The following KIFAP3 variants were observed in gnomAD, a reference collection of about 807,000 sequenced individuals.
The protein encoded by KIFAP3 is kinesin associated protein 3, also known as kinesin-associated protein 3.
KIFAP3 carries 68 observed loss-of-function variants against 106.5 expected under a neutral mutation model. The observed-to-expected ratio is 0.64, with a 90% CI of 0.53 to 0.78. KIFAP3 has a LOEUF of 0.78. Among genes scored for constraint, KIFAP3 ranks in the 30% least tolerant of loss-of-function variants. The pLI is 0.00. For synonymous variants in KIFAP3, 320 were observed against 311.5 expected, an observed-to-expected ratio of 1.03 and a Z score of -0.29; for missense variants, 780 against 941.8, an observed-to-expected ratio of 0.83 and a Z score of 2.25.
chr1:170,043,574 T>C (rs933886577), intron 3 of KIFAP3, among the ~76,000 whole-genome samples: 1 of 152,148 alleles, frequency 6.6e-6, no homozygotes, highest in African/African-American at 2.4e-5. Flanking sequence ...CTTCTCCTCA[T>C]GGTTCTTACA....
At chr1:170,032,013 C>T (rs879601725) in intron 7 of KIFAP3, 29 bp from the exon 8 acceptor site, 2 of 879,162 alleles carry the variant, frequency 2.3e-6, no homozygotes, top group Non-Finnish European at 3.3e-6. Flanking sequence ...ATCATCCATA[C>T]TCATTGAAGC....
In KIFAP3 at chr1:170,050,459, C is replaced by T. The variant is rs1228322943; in HGVS notation, c.165-3593G>A. ...GGAGAGCCTCCCCAGCCTAGCAAGACAGGCCAACATTCAAATTCAGGAAAT... is the reference window on the plus strand; with the variant it reads ...GGAGAGCCTCCCCAGCCTAGCAAGATAGGCCAACATTCAAATTCAGGAAAT... On this transcript the variant is annotated intron_variant, in intron 2 of 19. Coordinates refer to ENST00000361580, the MANE Select transcript of KIFAP3 (RefSeq NM_014970.4). Among the ~76,000 whole-genome samples the T allele has an allele frequency of 2.0e-5, 3 of 152,158 alleles. No homozygotes were observed. The East Asian group carries it at 5.8e-4, about 29-fold the overall frequency.
Position 169,982,873 on chromosome 1 carries a change from T to C in KIFAP3, c.1507-6A>G, listed in dbSNP as rs1666604191. The C allele has an allele frequency of 1.5e-6, 2 of 1,351,106 alleles. No individual in the cohort carries two copies. Among genetic ancestry groups the C allele is most frequent in the Non-Finnish European group, 1.9e-6 (2 of 1,025,810 alleles). 83.7% of individuals were successfully genotyped at this position (1,351,106 alleles called of 1,614,324 possible). On this transcript the variant is annotated splice_polypyrimidine_tract_variant and splice_region_variant and intron_variant, in intron 13 of 19. Coordinates refer to ENST00000361580, the MANE Select transcript of KIFAP3 (RefSeq NM_014970.4). ...GCAAGGTCCCCAACATAATCCTGAA[T>C]AAAACATAATTTTAATATAAATTTA...
At chr1:170,041,713 C>T in intron 3 of KIFAP3, 1 of 1,535,216 alleles carries the variant, frequency 6.5e-7, no homozygotes, top group Non-Finnish European at 8.7e-7. Flanking sequence ...GAAACAGTTT[C>T]TGAATCTGAA....
intron 9 of KIFAP3, among the ~76,000 whole-genome samples, chr1:170,023,055 T>C (rs899940747): frequency 6.6e-6 from 1 of 152,084 alleles, no homozygotes; most frequent in Admixed American, 6.5e-5. Context: ...ATACTCTAAC[T>C]ACTCAGGACT....
intron 16 of KIFAP3, 85 bp downstream of exon 16, chr1:169,978,000 A>C: frequency 2.7e-6 from 2 of 731,534 alleles, no homozygotes; most frequent in Non-Finnish European, 4.2e-6. Flanking sequence ...TTATTTCAAC[A>C]TTTGCAAAAA....
intron 1 of KIFAP3, 27 bp downstream of exon 1, chr1:170,074,409 T>A (rs751107660): frequency 1.2e-6 from 2 of 1,613,120 alleles, no homozygotes; most frequent in Non-Finnish European, 1.7e-6. Context: ...GCAAGGAGGG[T>A]AGGACAGAGC....
chr1:170,025,823 A>C (rs183641543), intron 8 of KIFAP3, among the ~76,000 whole-genome samples: 120 of 152,356 alleles, frequency 7.9e-4, no homozygotes, highest in Non-Finnish European at 3.2e-4. Flanking sequence ...TTAGAATTAC[A>C]TTGAAAAAAC....
chr1:169,944,849 T>C (rs1040956641), intron 19 of KIFAP3, among the ~76,000 whole-genome samples: 2 of 152,046 alleles, frequency 1.3e-5, no homozygotes, highest in African/African-American at 4.8e-5. Flanking sequence ...AGGAAGTGCA[T>C]GCTGATTGGT....
At chr1:170,047,597 T>G (rs1319790952) in intron 2 of KIFAP3, among the ~76,000 whole-genome samples, 2 of 128,612 alleles carry the variant, frequency 1.6e-5, no homozygotes, top group Admixed American at 9.5e-5. Flanking sequence ...CTCCAGCCTG[T>G]GTGACAGGGC....
intron 19 of KIFAP3, among the ~76,000 whole-genome samples, chr1:169,944,567 G>A (rs1664323655): frequency 6.6e-6 from 1 of 152,138 alleles, no homozygotes; most frequent in African/African-American, 2.4e-5. Flanking sequence ...TTTGAGTCCT[G>A]CCATTCAGGT....
intron 1 of KIFAP3, among the ~76,000 whole-genome samples, chr1:170,058,334 G>A (rs1478522993): frequency 2.6e-5 from 4 of 152,054 alleles, no homozygotes; most frequent in Admixed American, 1.3e-4. Context: ...GTAGATTTAC[G>A]CCATAGAGCA....
chr1:170,030,935 C>T (rs2102041249), intron 8 of KIFAP3, among the ~76,000 whole-genome samples: 1 of 151,764 alleles, frequency 6.6e-6, no homozygotes, highest in South Asian at 2.1e-4. Context: ...TACTTTAAAA[C>T]TATACAGTTT....
At chr1:169,959,516 A>G (rs1278471664) in intron 18 of KIFAP3, among the ~76,000 whole-genome samples, 2 of 152,188 alleles carry the variant, frequency 1.3e-5, no homozygotes, top group African/African-American at 4.8e-5. Flanking sequence ...AGCATAACCT[A>G]TACATTGTAA....
At chr1:170,072,114 T>C (rs1211844671) in intron 1 of KIFAP3, among the ~76,000 whole-genome samples, 1 of 152,244 alleles carries the variant, frequency 6.6e-6, no homozygotes, top group Non-Finnish European at 1.5e-5. Flanking sequence ...ATTAAATGAA[T>C]GAACAAATGT....
At chr1:170,033,644 C>G (rs531868318) in intron 7 of KIFAP3, among the ~76,000 whole-genome samples, 1 of 151,742 alleles carries the variant, frequency 6.6e-6, no homozygotes, top group African/African-American at 2.4e-5. Context: ...TTCCATATTG[C>G]TTTAGTATAC....
intron 10 of KIFAP3, among the ~76,000 whole-genome samples, chr1:169,998,405 C>T (rs969234845): frequency 3.8e-5 from 5 of 130,540 alleles, no homozygotes; most frequent in Non-Finnish European, 7.6e-5. Context: ...TATATACACA[C>T]ACACACACAC....
chr1:169,953,894 T>C (rs560083362), intron 19 of KIFAP3, 117 bp downstream of exon 19: 22 of 722,784 alleles, frequency 3.0e-5, no homozygotes, highest in South Asian at 2.8e-4. Flanking sequence ...CTTGAAAAGA[T>C]TGAGGGTTTT....
At chr1:169,985,511 C>T (rs1666774970) in intron 11 of KIFAP3, among the ~76,000 whole-genome samples, 1 of 151,686 alleles carries the variant, frequency 6.6e-6, no homozygotes, top group Non-Finnish European at 1.5e-5. Flanking sequence ...CCAACATCTA[C>T]CGAAAAGGAG....
Sources: allele counts gnomAD v4.1 joint callset (sites outside exome capture counted in the v4.1 genomes callset), GRCh38; gene constraint gnomAD v4.1.1; transcripts MANE v1.5; gene names NCBI Gene and HGNC (gene_info 2026-07-23, HGNC 2026-07-21).